The following PRR5L variants were observed in gnomAD, a reference collection of about 807,000 sequenced individuals.
PRR5L encodes the protein proline rich 5 like.
A neutral mutation model predicts 36.4 loss-of-function variants in PRR5L; 21 were observed. The observed-to-expected ratio is 0.58, with a 90% CI of 0.41 to 0.83. PRR5L has a LOEUF of 0.83. Among genes scored for constraint, PRR5L ranks in the 40% least tolerant of loss-of-function variants. The pLI, the probability that PRR5L is intolerant of heterozygous loss-of-function variation, is 0.00. For missense variants in PRR5L, 381 were observed against 473.3 expected (o/e 0.80, Z 1.81); for synonymous variants, 188 against 197.0 (o/e 0.95, Z 0.38).
chr11:36,399,371 T>C (rs1857739963), intron 1 of PRR5L, among the ~76,000 whole-genome samples: 1 of 152,242 alleles, frequency 6.6e-6, no homozygotes, highest in African/African-American at 2.4e-5. Flanking sequence ...TCCTTGTTGC[T>C]ATGCCTGTTG....
chr11:36,438,306 G>A (rs1296810883), intron 6 of PRR5L, among the ~76,000 whole-genome samples: 1 of 152,148 alleles, frequency 6.6e-6, no homozygotes, highest in Admixed American at 6.5e-5. Flanking sequence ...TTGAGGCTTC[G>A]TATGTAATTA....
At chr11:36,391,155 C>T (rs970659742) in intron 1 of PRR5L, among the ~76,000 whole-genome samples, 2 of 152,204 alleles carry the variant, frequency 1.3e-5, no homozygotes, top group Admixed American at 1.3e-4. Context: ...TACTTACACT[C>T]AGAATGGCTT....
chr11:36,346,566 G>A (rs1370238354), intron 1 of PRR5L, among the ~76,000 whole-genome samples: 3 of 151,864 alleles, frequency 2.0e-5, no homozygotes, highest in Non-Finnish European at 4.4e-5. Context: ...CTGGGCCACA[G>A]AGTGAGACTC....
chr11:36,370,126 T>C (rs1460057539), intron 1 of PRR5L, among the ~76,000 whole-genome samples: 1 of 152,148 alleles, frequency 6.6e-6, no homozygotes, highest in Non-Finnish European at 1.5e-5. Context: ...CCTCATCTTG[T>C]CCCCCACCCC....
chr11:36,372,603 G>A (rs1410648542), intron 1 of PRR5L, among the ~76,000 whole-genome samples: 1 of 152,172 alleles, frequency 6.6e-6, no homozygotes, highest in Non-Finnish European at 1.5e-5. Flanking sequence ...ATTCAGAGTG[G>A]CAGGAAAATG....
intron 1 of PRR5L, among the ~76,000 whole-genome samples, chr11:36,324,670 C>T (rs1054287913): frequency 1.6e-4 from 24 of 152,218 alleles, no homozygotes; most frequent in South Asian, 1.5e-3. Context: ...TAAAGCATGA[C>T]ATTTAACATT....
chr11:36,336,520 G>A lies in PRR5L; in HGVS notation c.-126+40082G>A, dbSNP rs1007945248. On this transcript the variant is annotated intron_variant, in intron 1 of 8. Transcript: ENST00000530639. ...GCTGGGATTACAGGCTTGAACCACC[G>A]CGCCTGGCCTTTTTTTTTTTTTTTT... Among the ~76,000 whole-genome samples, 8 of 143,602 alleles carry A rather than the reference G, an allele frequency of 5.6e-5. 1 individual carries two copies. The highest frequency in any genetic ancestry group is 1.2e-4 in the Non-Finnish European group (8 of 66,408). The allele number at this position is 143,602 out of a possible 152,430, so 94.2% of individuals were successfully genotyped here.
chr11:36,460,669 T>C (rs897748720), intron 8 of PRR5L, among the ~76,000 whole-genome samples: 1 of 152,252 alleles, frequency 6.6e-6, no homozygotes, highest in Non-Finnish European at 1.5e-5. Flanking sequence ...TCCTCGCTGC[T>C]GGCCTCGCTG....
At chr11:36,346,930 A>G (rs746750114) in intron 1 of PRR5L, among the ~76,000 whole-genome samples, 70 of 152,270 alleles carry the variant, frequency 4.6e-4, no homozygotes, top group Non-Finnish European at 7.3e-4. Context: ...AAAAACAGCT[A>G]TAGACAATAC....
At chr11:36,366,413 T>TGA (rs71465991) in intron 1 of PRR5L, among the ~76,000 whole-genome samples, 13 of 149,216 alleles carry the variant, frequency 8.7e-5, no homozygotes, top group East Asian at 2.0e-4. Context: ...TGTGTGTGTG[T>TGA]GAGAGAGAGA....
At chr11:36,445,125 G>C (rs1858801577) in intron 6 of PRR5L, among the ~76,000 whole-genome samples, 1 of 152,160 alleles carries the variant, frequency 6.6e-6, no homozygotes, top group South Asian at 2.1e-4. Context: ...GGGGTCAGGG[G>C]ATATGGAGAT....
Position 36,377,082 on chromosome 11 carries a change from C to G in PRR5L, c.-125-23915C>G, listed in dbSNP as rs996614038. The stretch of plus-strand genomic sequence containing the variant: ...AAAAAGAAAGTCGGCTTGTTTGACT[C>G]TCTCGTTCTCCCTCTGGGGGGCAAA... On this transcript the variant is annotated intron_variant, in intron 1 of 8. Coordinates refer to ENST00000530639, the MANE Select transcript of PRR5L (RefSeq NM_001160167.2). The surrounding 1 kb of genome is among the most constrained non-coding windows in gnomAD (Gnocchi z 5.1). Among the ~76,000 whole-genome samples the G allele has an allele frequency of 1.3e-5, 2 of 152,178 alleles. No homozygotes were observed. Among genetic ancestry groups the G allele is most frequent in the Non-Finnish European group, 2.9e-5 (2 of 68,032 alleles).
chr11:36,366,264 G>A (rs1857142783), intron 1 of PRR5L, among the ~76,000 whole-genome samples: 1 of 152,186 alleles, frequency 6.6e-6, no homozygotes. Context: ...TCCTGGTGTT[G>A]TCTGGGGAGT....
rs972449679 is a variant in PRR5L at position 36,462,813 on chromosome 11, G to A, written c.*77G>A. 2.9e-6 allele frequency: 4 copies of A among 1,361,136 alleles called. No individual in the cohort carries two copies. Among genetic ancestry groups the A allele is most frequent in the Non-Finnish European group, 2.0e-6 (2 of 1,010,902 alleles). The allele number at this position is 1,361,136 out of a possible 1,614,324, so 84.3% of individuals were successfully genotyped here. ...CCCTCCATCTCCGTGGATTACTGAG[G>A]GGGGCTCTTGCTTTATGCGATGCTG... is the stretch of plus-strand genomic sequence containing the variant. On this transcript the variant is annotated 3_prime_UTR_variant, in exon 9 of 9. Transcript: ENST00000530639.
intron 1 of PRR5L, among the ~76,000 whole-genome samples, chr11:36,351,304 A>G (rs1305941724): frequency 6.8e-5 from 5 of 73,160 alleles, no homozygotes; most frequent in African/African-American, 1.0e-4. Context: ...ATTTATATAT[A>G]TATTTATATA....
intron 1 of PRR5L, among the ~76,000 whole-genome samples, chr11:36,360,978 G>GCT (rs1410122646): frequency 1.3e-5 from 2 of 152,182 alleles, no homozygotes; most frequent in African/African-American, 4.8e-5. Context: ...CATGCTCAGA[G>GCT]CTCAGTTCAA....
rs189006834 is a variant in PRR5L at position 36,443,566 on chromosome 11, G to A, written c.445-2734G>A. On this transcript the variant is annotated intron_variant, in intron 6 of 8. Coordinates refer to ENST00000530639, the MANE Select transcript of PRR5L (RefSeq NM_001160167.2). ...AAATAATAAAACTTGCTTCACAGGAGTGTTAAGAAGAGTAAGTGAGATAAT... is the reference window on the plus strand; with the variant it reads ...AAATAATAAAACTTGCTTCACAGGAATGTTAAGAAGAGTAAGTGAGATAAT... Among the ~76,000 whole-genome samples, 517 of 152,310 alleles carry A rather than the reference G, an allele frequency of 3.4e-3. 2 individuals are homozygous for A. Among genetic ancestry groups the A allele is most frequent in the Non-Finnish European group, 6.1e-3 (417 of 68,038 alleles).
intron 1 of PRR5L, among the ~76,000 whole-genome samples, chr11:36,355,725 A>AT (rs917794485): frequency 2.0e-5 from 3 of 146,778 alleles, no homozygotes; most frequent in African/African-American, 5.0e-5. Context: ...ATTTTTTTTA[A>AT]TTTTTTTTTA....
At chr11:36,390,605 T>A (rs547435289) in intron 1 of PRR5L, among the ~76,000 whole-genome samples, 1 of 152,202 alleles carries the variant, frequency 6.6e-6, no homozygotes, top group Non-Finnish European at 1.5e-5. Flanking sequence ...CTTCTGGTGG[T>A]TGTAAGATCA....
Sources: gnomAD v4.1 joint callset for allele counts (sites outside exome capture counted in the v4.1 genomes callset) on GRCh38, gnomAD v4.1.1 for gene constraint, Gnocchi (gnomAD v3.1) non-coding constraint, MANE v1.5 for transcripts, NCBI Gene and HGNC (gene_info 2026-07-23, HGNC 2026-07-21) for gene names.